Variants in B3GALT1 observed in about 807,000 individuals in gnomAD.
B3GALT1 encodes the protein beta-1,3-galactosyltransferase 1.
Under a neutral mutation model 23.2 loss-of-function variants are expected in B3GALT1, and 10 were observed. The observed-to-expected ratio is 0.43, with a 90% confidence interval of 0.27 to 0.73. B3GALT1 has a LOEUF of 0.73. B3GALT1 is among the 30% of genes least tolerant of loss of function. The probability of loss-of-function intolerance (pLI) is 0.21; values close to 1 mark genes in which losing one functional copy is unlikely to be tolerated. For missense variants in B3GALT1, 299 were observed against 405.4 expected, an observed-to-expected ratio of 0.74 and a Z score of 2.25; for synonymous variants, 156 against 141.5, an observed-to-expected ratio of 1.10 and a Z score of -0.73.
intron 1 of B3GALT1, among the ~76,000 whole-genome samples, chr2:167,356,824 T>C (rs1697421022): frequency 6.6e-6 from 1 of 151,972 alleles, no homozygotes; most frequent in South Asian, 2.1e-4. Context: ...CAGCAACATA[T>C]TGTTAGTTTC....
chr2:167,578,260 A>G (rs1294223843), intron 2 of B3GALT1, among the ~76,000 whole-genome samples: 3 of 152,004 alleles, frequency 2.0e-5, no homozygotes, highest in Admixed American at 1.3e-4. Flanking sequence ...TTTCAACAGA[A>G]TAAGAAGAAA....
At chr2:167,830,965 AT>A (rs1689340147) in intron 4 of B3GALT1, among the ~76,000 whole-genome samples, 1 of 152,184 alleles carries the variant, frequency 6.6e-6, no homozygotes, top group Non-Finnish European at 1.5e-5. Context: ...GCCTCTGGAC[AT>A]TTGTCTCTAC....
At chr2:167,465,861 G>T (rs1354104429) in intron 1 of B3GALT1, among the ~76,000 whole-genome samples, 1 of 152,006 alleles carries the variant, frequency 6.6e-6, no homozygotes. Context: ...TGAGGAAGAT[G>T]TGAGTTGATT....
chr2:167,668,207 ACCGCGTGAGGTGTTAGTCTG>A (rs1247127554), intron 3 of B3GALT1, among the ~76,000 whole-genome samples: 1 of 150,138 alleles, frequency 6.7e-6, no homozygotes, highest in African/African-American at 2.5e-5. Context: ...GGAATACCCG[ACCGCGTGAGGTGTTAGTCTG>A]CCCCTGCTGG....
chr2:167,434,364 T>C (rs1485422446), intron 1 of B3GALT1, among the ~76,000 whole-genome samples: 1 of 152,112 alleles, frequency 6.6e-6, no homozygotes, highest in Non-Finnish European at 1.5e-5. Context: ...AACCTAAATA[T>C]ACCCATTCCC....
intron 3 of B3GALT1, among the ~76,000 whole-genome samples, chr2:167,724,199 A>G (rs1227102764): frequency 6.6e-6 from 1 of 152,232 alleles, no homozygotes. Context: ...ATGTAAGTGA[A>G]TATTGTAATG....
At chr2:167,655,188 T>G (rs1386346468) in intron 3 of B3GALT1, among the ~76,000 whole-genome samples, 1 of 152,168 alleles carries the variant, frequency 6.6e-6, no homozygotes, top group Non-Finnish European at 1.5e-5. Context: ...TGTTTTTAAG[T>G]TGGATCTTGA....
At chr2:167,553,124 G>T (rs964681434) in intron 2 of B3GALT1, among the ~76,000 whole-genome samples, 7 of 152,070 alleles carry the variant, frequency 4.6e-5, no homozygotes, top group Admixed American at 1.3e-4. Context: ...AGCTACCTGA[G>T]CTTTAGATAA....
At chr2:167,561,250 G>T (rs184223193) in intron 2 of B3GALT1, among the ~76,000 whole-genome samples, 32 of 152,092 alleles carry the variant, frequency 2.1e-4, no homozygotes, top group African/African-American at 7.7e-4. Context: ...TGTTCTTTAT[G>T]TACCAACAAG....
chr2:167,512,570 A>ATATATATATGTG (rs1419697133), intron 2 of B3GALT1, among the ~76,000 whole-genome samples: 2 of 91,160 alleles, frequency 2.2e-5, no homozygotes, highest in African/African-American at 9.5e-5. Flanking sequence ...ATATATATGT[A>ATATATATATGTG]TATATATATG....
intron 1 of B3GALT1, among the ~76,000 whole-genome samples, chr2:167,330,173 G>A (rs1696951238): frequency 6.6e-6 from 1 of 150,896 alleles, no homozygotes; most frequent in East Asian, 1.9e-4. Context: ...TTGCTTTATG[G>A]TGTCCCATAT....
intron 2 of B3GALT1, among the ~76,000 whole-genome samples, chr2:167,562,851 C>G (rs1184619222): frequency 6.6e-6 from 1 of 151,888 alleles, no homozygotes; most frequent in African/African-American, 2.4e-5. Flanking sequence ...GGTGATGACT[C>G]TTAAGGAGCA....
At chr2:167,498,044 AT>A (rs1699802402) in intron 2 of B3GALT1, among the ~76,000 whole-genome samples, 1 of 152,184 alleles carries the variant, frequency 6.6e-6, no homozygotes, top group East Asian at 1.9e-4. Flanking sequence ...CTTAAGGTGT[AT>A]GCAACTTCTG....
At chr2:167,387,412 G>A (rs780773428) in intron 1 of B3GALT1, among the ~76,000 whole-genome samples, 6 of 152,072 alleles carry the variant, frequency 3.9e-5, no homozygotes, top group African/African-American at 4.8e-5. Context: ...TAGAGGAGGC[G>A]ATATGTTATC....
intron 1 of B3GALT1, among the ~76,000 whole-genome samples, chr2:167,460,204 C>G (rs1238004435): frequency 2.0e-5 from 3 of 152,148 alleles, no homozygotes; most frequent in Non-Finnish European, 4.4e-5. Flanking sequence ...CTCCCTACCC[C>G]TTCCTCTCAC....
chr2:167,481,652 C>T (rs189491919), intron 1 of B3GALT1, among the ~76,000 whole-genome samples: 83 of 152,288 alleles, frequency 5.5e-4, no homozygotes, highest in Non-Finnish European at 1.0e-3. Context: ...GGTCATGTCC[C>T]TAATTTCCTA....
At chr2:167,676,059 G>C (rs939569408) in intron 3 of B3GALT1, among the ~76,000 whole-genome samples, 1 of 151,738 alleles carries the variant, frequency 6.6e-6, no homozygotes, top group East Asian at 1.9e-4. Context: ...ACCCTGTGTT[G>C]GCCCCCTAAG....
intron 2 of B3GALT1, among the ~76,000 whole-genome samples, chr2:167,543,382 G>A (rs925952932): frequency 2.0e-5 from 3 of 152,084 alleles, no homozygotes; most frequent in African/African-American, 7.2e-5. Flanking sequence ...ATGCTTCAGT[G>A]GATAGAATAA....
At chr2:167,719,137 C>T (rs1687194169) in intron 3 of B3GALT1, among the ~76,000 whole-genome samples, 1 of 152,162 alleles carries the variant, frequency 6.6e-6, no homozygotes, top group Admixed American at 6.5e-5. Context: ...GCATATTCAG[C>T]TTGACTACCA....
Sources: gnomAD v4.1 joint callset for allele counts (sites outside exome capture counted in the v4.1 genomes callset) on GRCh38, gnomAD v4.1.1 for gene constraint, MANE v1.5 for transcripts, NCBI Gene and HGNC (gene_info 2026-07-23, HGNC 2026-07-21) for gene names.